Variants in OPRM1 observed in about 807,000 individuals in gnomAD.
OPRM1 encodes mu-type opioid receptor.
A neutral mutation model predicts 31.8 loss-of-function variants in OPRM1; 27 were observed. The ratio of observed to expected loss-of-function variants is 0.85; its 90% CI spans 0.63 to 1.17. OPRM1 has a LOEUF of 1.17. Among genes scored for constraint, OPRM1 ranks in the 50% most tolerant of loss-of-function variants. The probability of loss-of-function intolerance (pLI) is 0.00; values close to 1 mark genes in which losing one functional copy is unlikely to be tolerated. For missense variants in OPRM1, 536 were observed against 511.1 expected, an observed-to-expected ratio of 1.05 and a Z score of -0.47; for synonymous variants, 196 against 189.9, an observed-to-expected ratio of 1.03 and a Z score of -0.26.
exon 1 of OPRM1, chr6:154,010,955 T>C (rs1777691587): frequency 7.7e-7 from 1 of 1,296,740 alleles, no homozygotes; most frequent in Non-Finnish European, 1.0e-6. Context: ...AGAACTCTGA[T>C]ATCCTCTCAC....
chr6:154,063,156 C>T (rs548881125), intron 1 of OPRM1, among the ~76,000 whole-genome samples: 8 of 151,956 alleles, frequency 5.3e-5, no homozygotes, highest in Non-Finnish European at 1.2e-4. Flanking sequence ...CAATGTTAAA[C>T]ATTTTTGTCT....
chr6:154,019,583 T>C (rs746083020), intron 1 of OPRM1, among the ~76,000 whole-genome samples: 2 of 152,028 alleles, frequency 1.3e-5, no homozygotes, highest in Non-Finnish European at 2.9e-5. Context: ...CTCACAACCA[T>C]TGACTTTTCT....
At chr6:154,086,549 AC>A in intron 1 of OPRM1, 3 of 984,270 alleles carry the variant, frequency 3.0e-6, no homozygotes, top group Non-Finnish European at 3.6e-6. Flanking sequence ...GTTTCCTTTC[AC>A]CATGTTGAAC....
At chr6:154,204,619 G>C (rs1334079459) in intron 3 of OPRM1, among the ~76,000 whole-genome samples, 1 of 151,888 alleles carries the variant, frequency 6.6e-6, no homozygotes, top group Non-Finnish European at 1.5e-5. Context: ...TGTGCTGACC[G>C]AAGATCTACT....
intron 1 of OPRM1, among the ~76,000 whole-genome samples, chr6:154,055,881 A>T (rs1426994379): frequency 1.3e-5 from 2 of 152,230 alleles, no homozygotes; most frequent in African/African-American, 4.8e-5. Flanking sequence ...AATCTCAAGC[A>T]GGATCTAAGT....
Position 154,127,289 on chromosome 6 carries a change from G to T in OPRM1, c.*8568G>T, listed in dbSNP as rs1328555888. On this transcript the variant is annotated 3_prime_UTR_variant, in exon 4 of 4. Transcript: ENST00000330432. ...GTGGCCATTATCATCTAAGGATTCCGCCAGAGACTTCCAAAAGAAGAGGTC... is the reference window on the plus strand; with the variant it reads ...GTGGCCATTATCATCTAAGGATTCCTCCAGAGACTTCCAAAAGAAGAGGTC... Among the ~76,000 whole-genome samples, 1 of 152,004 alleles carries T rather than the reference G, an allele frequency of 6.6e-6. No individual in the cohort carries two copies. The highest frequency in any genetic ancestry group is 2.4e-5 in the African/African-American group (1 of 41,372).
chr6:154,026,774 A>G (rs751996441), intron 1 of OPRM1, among the ~76,000 whole-genome samples: 3 of 152,020 alleles, frequency 2.0e-5, no homozygotes, highest in African/African-American at 4.8e-5. Context: ...TGCATTTTTC[A>G]TCTCTATAAT....
intron 3 of OPRM1, chr6:154,246,601 C>T (rs537118109): frequency 1.2e-5 from 19 of 1,612,614 alleles, no homozygotes; most frequent in East Asian, 4.5e-5. Context: ...CATTTGATTG[C>T]TATACCAGTA....
At chr6:154,153,036 G>A (rs1223971597) in intron 3 of OPRM1, among the ~76,000 whole-genome samples, 1 of 152,022 alleles carries the variant, frequency 6.6e-6, no homozygotes, top group Non-Finnish European at 1.5e-5. Context: ...ACAGCTCCCA[G>A]CACTTGATTT....
intron 1 of OPRM1, among the ~76,000 whole-genome samples, chr6:154,043,754 A>T (rs758620883): frequency 1.3e-5 from 2 of 152,144 alleles, no homozygotes; most frequent in Non-Finnish European, 2.9e-5. Context: ...TCAGTTCTCA[A>T]TTTAATGGCT....
In OPRM1 at chr6:154,168,924, G is replaced by A. The variant is rs1040175504; in HGVS notation, c.1164+77452G>A. 6.6e-6 allele frequency among the ~76,000 whole-genome samples: 1 copy of A among 151,880 alleles called. No homozygotes were observed. On this transcript the variant is annotated intron_variant, in intron 3 of 3. Coordinates refer to the OPRM1 transcript ENST00000337049. This position sits in a 1 kb window ranked among gnomAD's most constrained non-coding sequence, Gnocchi z 4.1. ...CCCAGCCCAACATATGAATTTTAGAGGGACACAATTCAACCCATACATAGT... is the reference window on the plus strand; with the variant it reads ...CCCAGCCCAACATATGAATTTTAGAAGGACACAATTCAACCCATACATAGT...
chr6:154,039,289 G>A lies in OPRM1; in HGVS notation c.-256G>A. The A allele has an allele frequency of 6.4e-7, 1 of 1,551,266 alleles. No homozygotes were observed. The highest frequency in any genetic ancestry group is 8.7e-7 in the Non-Finnish European group (1 of 1,146,776). ...CCCGCATGGCCCACGCTCCCCTCCT[G>A]CAGCGGTGCGGGGCAGGTGATGAGC... On this transcript the variant is annotated 5_prime_UTR_variant, in exon 1 of 4. Coordinates refer to ENST00000330432, the MANE Select transcript of OPRM1 (RefSeq NM_000914.5).
At chr6:154,047,117 T>G (rs1218893049) in intron 1 of OPRM1, among the ~76,000 whole-genome samples, 1 of 152,182 alleles carries the variant, frequency 6.6e-6, no homozygotes, top group Non-Finnish European at 1.5e-5. Context: ...TTCATATGCT[T>G]CGAGAGTACA....
chr6:154,232,437 A>G (rs1779796862), intron 3 of OPRM1, among the ~76,000 whole-genome samples: 1 of 152,190 alleles, frequency 6.6e-6, no homozygotes, highest in Non-Finnish European at 1.5e-5. Flanking sequence ...CACAGCCTTA[A>G]GAGGAAAATT....
intron 3 of OPRM1, among the ~76,000 whole-genome samples, chr6:154,194,832 T>G (rs1426495139): frequency 6.6e-6 from 1 of 152,132 alleles, no homozygotes; most frequent in Non-Finnish European, 1.5e-5. Context: ...AAGCAGGTGG[T>G]GAATCACCCA....
rs564404556 is a variant in OPRM1, at chr6:154,111,665, C to G, written c.1165-7018C>G. 1.8e-3 allele frequency among the ~76,000 whole-genome samples: 277 copies of G among 152,250 alleles called. 3 individuals are homozygous for G. The highest frequency in any genetic ancestry group is 6.4e-3 in the African/African-American group (264 of 41,532). Reference sequence around the variant, plus strand: ...TCAGCTTCCATTTGAACCTTAAAAGCTTTTCAAACATTTAATTTTTTTAAA... The same window carrying G: ...TCAGCTTCCATTTGAACCTTAAAAGGTTTTCAAACATTTAATTTTTTTAAA... On this transcript the variant is annotated intron_variant, in intron 3 of 3. Coordinates refer to ENST00000330432, the MANE Select transcript of OPRM1 (RefSeq NM_000914.5).
At chr6:154,214,503 A>C (rs1778227915) in intron 3 of OPRM1, among the ~76,000 whole-genome samples, 1 of 152,236 alleles carries the variant, frequency 6.6e-6, no homozygotes, top group Non-Finnish European at 1.5e-5. Flanking sequence ...CCCATTACTC[A>C]GTTGGTTCAT....
intron 1 of OPRM1, among the ~76,000 whole-genome samples, chr6:154,053,683 C>T (rs922097311): frequency 1.3e-5 from 2 of 152,140 alleles, no homozygotes; most frequent in Admixed American, 6.5e-5. Context: ...TTAATTTTGT[C>T]CCCATCCATC....
rs71021027 is a variant in OPRM1 at position 154,152,185 on chromosome 6, AAGAGAG to A, written c.1164+60725_1164+60730del. The stretch of plus-strand genomic sequence containing the variant: ...ACTTTGAAAACAAAAAAAAAAAAGA[AAGAGAG>A]AGAGAGAGAGAAAGAAAGAAGGAAG... On this transcript the variant is annotated intron_variant, in intron 3 of 3. Transcript: ENST00000337049. Among the ~76,000 whole-genome samples, 12 of 144,098 alleles carry A rather than the reference AAGAGAG, an allele frequency of 8.3e-5. No individual in the cohort carries two copies. In the East Asian group the frequency reaches 2.1e-3, roughly 26 times the overall value. The allele number at this position is 144,098 out of a possible 152,430, so 94.5% of individuals were successfully genotyped here. A position where few individuals can be genotyped will look rare whatever the true frequency, so the allele number is the denominator to read the frequency against.
Sources: allele counts gnomAD v4.1 joint callset (sites outside exome capture counted in the v4.1 genomes callset), GRCh38; gene constraint gnomAD v4.1.1; non-coding constraint Gnocchi (gnomAD v3.1); transcripts MANE v1.5; gene names NCBI Gene and HGNC (gene_info 2026-07-23, HGNC 2026-07-21).